The following EYS variants were observed in gnomAD, a reference collection of about 807,000 sequenced individuals.
EYS encodes the protein protein eyes shut homolog.
Under a neutral mutation model 282.1 loss-of-function variants are expected in EYS, and 250 were observed. The ratio of observed to expected loss-of-function variants is 0.89; its 90% CI spans 0.80 to 0.98. The LOEUF is 0.98. Among genes scored for constraint, EYS ranks in the 50% least tolerant of loss-of-function variants. The pLI is 0.00. For synonymous variants in EYS, 1,355 were observed against 1,282.9 expected, an observed-to-expected ratio of 1.06 and a Z score of -1.20; for missense variants, 4,016 against 3,709.0, an observed-to-expected ratio of 1.08 and a Z score of -2.15.
chr6:65,510,625 A>G (rs1221027834), intron 2 of EYS, among the ~76,000 whole-genome samples: 2 of 152,028 alleles, frequency 1.3e-5, no homozygotes, highest in East Asian at 1.9e-4. Context: ...GTAAAAGTCC[A>G]TTATTATTCT....
At chr6:65,544,316 A>G (rs1236471115) in intron 2 of EYS, among the ~76,000 whole-genome samples, 1 of 152,112 alleles carries the variant, frequency 6.6e-6, no homozygotes, top group Non-Finnish European at 1.5e-5. Context: ...CATATTTTCC[A>G]ATTTAATAGT....
intron 29 of EYS, among the ~76,000 whole-genome samples, chr6:64,354,024 A>C (rs898851722): frequency 4.6e-5 from 7 of 151,608 alleles, no homozygotes; most frequent in Admixed American, 4.0e-4. Context: ...TTGCTTGAAC[A>C]CTGCTCTTGT....
intron 2 of EYS, among the ~76,000 whole-genome samples, chr6:65,567,797 A>G (rs1011935850): frequency 6.6e-6 from 1 of 152,072 alleles, no homozygotes. Context: ...TATTATTCAA[A>G]TACTGTCTTT....
intron 19 of EYS, among the ~76,000 whole-genome samples, chr6:64,857,632 T>C (rs796884673): frequency 5.3e-5 from 8 of 152,278 alleles, no homozygotes; most frequent in African/African-American, 1.7e-4. Flanking sequence ...CAGAAGTAGA[T>C]ATGCTGGATC....
intron 22 of EYS, among the ~76,000 whole-genome samples, chr6:64,741,944 C>T (rs60401152): frequency 0.038 from 5,835 of 152,178 alleles, 261 homozygotes; most frequent in East Asian, 0.15. Context: ...ACTATTTACA[C>T]GTTCACTGGA....
intron 12 of EYS, among the ~76,000 whole-genome samples, chr6:65,289,874 C>T (rs1768475467): frequency 1.3e-5 from 2 of 150,994 alleles, no homozygotes; most frequent in African/African-American, 4.8e-5. Flanking sequence ...CAAAAATATA[C>T]CAAAAAGCAA....
At chr6:65,499,039 A>T (rs185297022) in intron 2 of EYS, among the ~76,000 whole-genome samples, 1 of 152,132 alleles carries the variant, frequency 6.6e-6, no homozygotes, top group African/African-American at 2.4e-5. Context: ...TTACAACCAT[A>T]ACATCACTTG....
chr6:64,191,078 C>T (rs1156675513), intron 31 of EYS, among the ~76,000 whole-genome samples: 7 of 151,986 alleles, frequency 4.6e-5, no homozygotes, highest in Non-Finnish European at 8.8e-5. Context: ...TACTGACTTA[C>T]AGGAATTAAA....
chr6:64,982,650 A>G (rs909877102), intron 14 of EYS, among the ~76,000 whole-genome samples: 5 of 151,218 alleles, frequency 3.3e-5, no homozygotes, highest in African/African-American at 9.7e-5. Flanking sequence ...ATATAGATAT[A>G]TATGACTTTG....
intron 31 of EYS, among the ~76,000 whole-genome samples, chr6:64,192,087 A>C (rs1174526539): frequency 2.9e-5 from 4 of 137,986 alleles, no homozygotes; most frequent in African/African-American, 1.0e-4. Context: ...CAGTGATGGT[A>C]AGCATTTTTT....
intron 30 of EYS, among the ~76,000 whole-genome samples, chr6:64,232,287 A>C (rs1019209888): frequency 6.6e-6 from 1 of 152,056 alleles, no homozygotes; most frequent in Non-Finnish European, 1.5e-5. Flanking sequence ...TTTATTCCTA[A>C]CGATGCTTGA....
At chr6:65,283,151 A>G (rs1256431163) in intron 12 of EYS, among the ~76,000 whole-genome samples, 1 of 151,982 alleles carries the variant, frequency 6.6e-6, no homozygotes, top group Non-Finnish European at 1.5e-5. Flanking sequence ...CCACAAAATT[A>G]AAACAATATG....
At chr6:63,754,835 A>G (rs1316373536) in intron 41 of EYS, among the ~76,000 whole-genome samples, 5 of 152,110 alleles carry the variant, frequency 3.3e-5, no homozygotes, top group African/African-American at 1.2e-4. Context: ...CTATTTCTCC[A>G]TCCTCTCCAG....
chr6:65,530,298 C>T (rs1320041030), intron 2 of EYS, among the ~76,000 whole-genome samples: 1 of 152,144 alleles, frequency 6.6e-6, no homozygotes, highest in Non-Finnish European at 1.5e-5. Flanking sequence ...TTCACATACT[C>T]TTTGACCCAG....
intron 12 of EYS, among the ~76,000 whole-genome samples, chr6:65,190,165 C>A (rs139822646): frequency 2.0e-5 from 3 of 150,820 alleles, no homozygotes; most frequent in Non-Finnish European, 1.5e-5. Context: ...TTATAACTTT[C>A]GTGGGCCTAT....
chr6:64,415,593 G>A (rs531147668), intron 28 of EYS, among the ~76,000 whole-genome samples: 1 of 152,222 alleles, frequency 6.6e-6, no homozygotes, highest in East Asian at 1.9e-4. Context: ...AGGGTACAAT[G>A]TTCTGTCCAT....
intron 36 of EYS, among the ~76,000 whole-genome samples, chr6:63,852,673 C>A (rs1043470143): frequency 6.6e-6 from 1 of 151,974 alleles, no homozygotes; most frequent in Non-Finnish European, 1.5e-5. Flanking sequence ...GGCAGAGACA[C>A]AACAAAAAAA....
chr6:63,933,037 AG>A (rs966768972), intron 35 of EYS, among the ~76,000 whole-genome samples: 23 of 152,182 alleles, frequency 1.5e-4, no homozygotes, highest in African/African-American at 5.3e-4. Flanking sequence ...CTTATTATAA[AG>A]GACATTACAA....
chr6:63,892,972 A>C (rs1374561801), intron 35 of EYS, among the ~76,000 whole-genome samples: 3 of 152,238 alleles, frequency 2.0e-5, no homozygotes, highest in Non-Finnish European at 2.9e-5. Context: ...CAACAAGCAT[A>C]TGAAAAAAAG....
Sources: allele counts gnomAD v4.1 joint callset (sites outside exome capture counted in the v4.1 genomes callset), GRCh38; gene constraint gnomAD v4.1.1; transcripts MANE v1.5; gene names NCBI Gene and HGNC (gene_info 2026-07-23, HGNC 2026-07-21).